Variants in BBS2 observed in about 807,000 individuals in gnomAD.
BBS2 encodes BBSome complex member BBS2.
A neutral mutation model predicts 83.0 loss-of-function variants in BBS2; 62 were observed. The ratio of observed to expected loss-of-function variants is 0.75; its 90% confidence interval spans 0.61 to 0.92. BBS2 has a LOEUF of 0.92. BBS2 is among the 40% of genes least tolerant of loss of function. The pLI is 0.00. For synonymous variants in BBS2, 303 were observed against 326.1 expected (o/e 0.93, Z 0.76); for missense variants, 784 against 901.0 (o/e 0.87, Z 1.66).
At chr16:56,512,885 G>A (rs184823955) in intron 2 of BBS2, among the ~76,000 whole-genome samples, 2 of 152,316 alleles carry the variant, frequency 1.3e-5, no homozygotes, top group Admixed American at 6.5e-5. Flanking sequence ...AAATGCAGTG[G>A]CTCACATCTA....
At chr16:56,487,567 G>C (rs565134531) in intron 15 of BBS2, among the ~76,000 whole-genome samples, 3 of 152,068 alleles carry the variant, frequency 2.0e-5, no homozygotes, top group African/African-American at 4.8e-5. Context: ...ATCTACAAGA[G>C]TAAACCATGA....
chr16:56,472,785 T>A (rs1158405638), intron 17 of BBS2, among the ~76,000 whole-genome samples: 1 of 152,190 alleles, frequency 6.6e-6, no homozygotes, highest in East Asian at 1.9e-4. Flanking sequence ...GATTATACCA[T>A]ATATATTGTT....
chr16:56,502,932 C>G, intron 7 of BBS2, 124 bp from the exon 8 acceptor site: 1 of 1,214,468 alleles, frequency 8.2e-7, no homozygotes. Context: ...TTCTATGAAG[C>G]CCTACAACTT....
At chr16:56,475,215 T>C (rs1440410102) in intron 17 of BBS2, among the ~76,000 whole-genome samples, 4 of 152,234 alleles carry the variant, frequency 2.6e-5, no homozygotes, top group Admixed American at 2.6e-4. Flanking sequence ...ATAGATTTTA[T>C]GTAATTGCCC....
In BBS2 at chr16:56,497,899, G is replaced by T; in HGVS notation, c.1660-19C>A. On this transcript the variant is annotated intron_variant, in intron 13 of 16. Transcript: ENST00000245157. ...TAGTGATCTACCCAGAGAAAAAATA[G>T]ACAAGTTTAGCATCCTCAGATGTTA... The T allele has an allele frequency of 6.2e-7, 1 of 1,605,864 alleles. No individual in the cohort carries two copies.
At chr16:56,480,361 AAAAAC>A (rs1278376385), downstream of BBS2, among the ~76,000 whole-genome samples, 87 of 148,078 alleles carry the variant, frequency 5.9e-4, 1 homozygote, top group South Asian at 3.4e-3. Flanking sequence ...ACAAAAAAAA[AAAAAC>A]AAAAAAAAAA....
chr16:56,509,905 G>A, intron 5 of BBS2, 52 bp downstream of exon 5: 2 of 1,578,002 alleles, frequency 1.3e-6, no homozygotes, highest in Non-Finnish European at 1.7e-6. Flanking sequence ...TCATCTGACA[G>A]TACTGATCTA....
At position 56,497,871 on chromosome 16, in the gene BBS2, T is replaced by G. The variant is rs1567572599; in HGVS notation, c.1669A>C (p.Asn557His). 1.2e-6 allele frequency: 2 copies of G among 1,610,428 alleles called. No homozygotes were observed. The highest frequency in any genetic ancestry group is 1.7e-5 in the Admixed American group (1 of 59,966). The stretch of plus-strand genomic sequence containing the variant: ...CCAGCCAAATCAATATCATCAGTAT[T>G]TATAGTGATCTACCCAGAGAAAAAA... ...KIKLSGEITI[N>H]TDDIDLAGDI... is the part of the protein sequence containing the mutation. The change falls in exon 14 of 17, where the codon AAT becomes CAT. Residue 557 changes from asparagine (N) to histidine (H), a missense_variant. Asn to His is a moderately conservative substitution (Grantham distance 68, BLOSUM62 1). Transcript: ENST00000245157.
chr16:56,509,891 T>C, intron 5 of BBS2, 66 bp downstream of exon 5: 4 of 1,537,784 alleles, frequency 2.6e-6, no homozygotes, highest in Non-Finnish European at 3.6e-6. Flanking sequence ...TCTCACTTGA[T>C]GTTTCATCTG....
At chr16:56,494,594 C>G (rs1964059589) in intron 15 of BBS2, among the ~76,000 whole-genome samples, 4 of 151,992 alleles carry the variant, frequency 2.6e-5, no homozygotes. Context: ...AAGAACCAAC[C>G]AAATTAATGG....
chr16:56,496,052 T>C (rs1206967758), intron 15 of BBS2, among the ~76,000 whole-genome samples: 1 of 152,116 alleles, frequency 6.6e-6, no homozygotes, highest in African/African-American at 2.4e-5. Flanking sequence ...TAAAAACCAT[T>C]TACCTCTGAG....
At chr16:56,501,062 C>A in intron 10 of BBS2, 37 bp from the exon 11 acceptor site, 1 of 1,610,010 alleles carries the variant, frequency 6.2e-7, no homozygotes, top group Non-Finnish European at 8.5e-7. Context: ...AGAACAACTC[C>A]AACTTTGGGA....
chr16:56,490,565 T>C (rs1435736154), intron 15 of BBS2, among the ~76,000 whole-genome samples: 10 of 151,456 alleles, frequency 6.6e-5, no homozygotes, highest in African/African-American at 2.4e-4. Flanking sequence ...CACTTGAATC[T>C]GGGAGGCAGA....
At position 56,502,436 on chromosome 16, in the gene BBS2, T is replaced by G. The variant is rs1272519017; in HGVS notation, c.961A>C (p.Thr321Pro). The G allele has an allele frequency of 1.2e-6, 2 of 1,614,062 alleles. No homozygotes were observed. Among genetic ancestry groups the G allele is most frequent in the African/African-American group, 2.7e-5 (2 of 74,906 alleles). Residue 321 changes from threonine (T) to proline (P), a missense_variant, in exon 9 of 17, where the codon ACG (threonine) becomes CCG (proline). Physicochemically the swap from Thr to Pro is conservative, Grantham distance 38 (BLOSUM62 -1). Coordinates refer to ENST00000245157, the MANE Select transcript of BBS2 (RefSeq NM_031885.5). ...ATGAGGTTGCCCCTCATCTCAGCCG[T>G]GCCAGGCAGGTAGCCCCGGACTGAA... Reference protein sequence around the residue: ...DGEIRGYLPGTAEMRGNLMDT... With the variant: ...DGEIRGYLPGPAEMRGNLMDT...
At chr16:56,486,589 A>C (rs532296255) in intron 15 of BBS2, among the ~76,000 whole-genome samples, 1 of 152,310 alleles carries the variant, frequency 6.6e-6, no homozygotes, top group South Asian at 2.1e-4. Context: ...ATGAAGCCAG[A>C]CTCAAAAGGA....
chr16:56,514,575 C>G lies in BBS2; in HGVS notation c.223G>C (p.Val75Leu). ...AATACGCCTGCAGTCAGACAGCTGACTGCCTGGTTAATGCTGAGAAGAGAA... is the reference window on the plus strand; with the variant it reads ...AATACGCCTGCAGTCAGACAGCTGAGTGCCTGGTTAATGCTGAGAAGAGAA... ...DVSLLSINQA[V>L]SCLTAGVLNP... Residue 75 changes from valine to leucine, a missense_variant, in exon 2 of 17, where the codon GTC becomes CTC. Physicochemically the swap from Val to Leu is conservative, Grantham distance 32. Coordinates refer to ENST00000245157, the MANE Select transcript of BBS2 (RefSeq NM_031885.5). The G allele has an allele frequency of 4.3e-6, 7 of 1,614,162 alleles. No homozygotes were observed. Among genetic ancestry groups the G allele is most frequent in the Non-Finnish European group, 5.1e-6 (6 of 1,180,000 alleles).
intron 15 of BBS2, among the ~76,000 whole-genome samples, chr16:56,494,572 T>C (rs918687454): frequency 1.3e-5 from 2 of 152,090 alleles, no homozygotes; most frequent in South Asian, 2.1e-4. Flanking sequence ...CATTTCATCA[T>C]ACAAGAAAAC....
intron 1 of BBS2, 54 bp downstream of exon 1, chr16:56,519,692 C>T: frequency 2.1e-6 from 3 of 1,442,252 alleles, no homozygotes; most frequent in Non-Finnish European, 1.9e-6. Flanking sequence ...GCGCGGCCGG[C>T]GGAGATCCTG....
chr16:56,471,543 A>G (rs1305694033), intron 17 of BBS2, among the ~76,000 whole-genome samples: 1 of 152,190 alleles, frequency 6.6e-6, no homozygotes, highest in Admixed American at 6.5e-5. Flanking sequence ...TTCAGCTTAG[A>G]TGTTTCAGCA....
Sources: gnomAD v4.1 joint callset for allele counts (sites outside exome capture counted in the v4.1 genomes callset) on GRCh38, gnomAD v4.1.1 for gene constraint, MANE v1.5 for transcripts, NCBI Gene and HGNC (gene_info 2026-07-23, HGNC 2026-07-21) for gene names.